Variants in CHD8 observed in about 807,000 individuals in gnomAD.
The protein encoded by CHD8 is chromodomain helicase DNA binding protein 8, also known as ATP-dependent chromatin remodeler CHD8.
Under a neutral mutation model 279.2 loss-of-function variants are expected in CHD8, and 31 were observed. The observed-to-expected ratio is 0.11, with a 90% CI of 0.08 to 0.15. CHD8 has a LOEUF of 0.15. Ranked by LOEUF, CHD8 falls within the 10% of genes least tolerant of loss-of-function variation. The pLI, the probability that CHD8 is intolerant of heterozygous loss-of-function variation, is 1.00. For missense variants in CHD8, 2,146 were observed against 3,230.5 expected (o/e 0.66, Z 8.14); for synonymous variants, 1,081 against 1,139.6 (o/e 0.95, Z 1.04).
intron 1 of CHD8, among the ~76,000 whole-genome samples, chr14:21,448,508 T>A (rs981955634): frequency 2.6e-5 from 4 of 152,160 alleles, no homozygotes; most frequent in Non-Finnish European, 4.4e-5. Flanking sequence ...ACTGAATACC[T>A]ACCTGTCTAG....
intron 1 of CHD8, among the ~76,000 whole-genome samples, chr14:21,448,833 G>A (rs1171512026): frequency 3.3e-5 from 5 of 149,696 alleles, no homozygotes; most frequent in African/African-American, 9.7e-5. Context: ...AAAGTGCTGG[G>A]ATTACAGGCG....
In CHD8 at chr14:21,394,187, C is replaced by T. The variant is rs376095447; in HGVS notation, c.5608G>A (p.Asp1870Asn). 5.5e-5 allele frequency: 89 copies of T among 1,606,284 alleles called. No individual in the cohort carries two copies. The highest frequency in any genetic ancestry group is 7.1e-5 in the Non-Finnish European group (84 of 1,174,872). Residue 1870 changes from aspartate to asparagine, a missense_variant, in exon 32 of 38, where the codon GAC becomes AAC. Transcript: ENST00000646647. ...ATGGGCTCAATGAACAGGTTAGGGT[C>T]GGGGGGTTCTGCAAGAGACAGGAGT... ...LPPAAGDEPP[D>N]PNLFIEPITE...
intron 37 of CHD8, among the ~76,000 whole-genome samples, chr14:21,388,503 A>T (rs1013237921): frequency 4.0e-4 from 60 of 149,668 alleles, no homozygotes; most frequent in African/African-American, 1.3e-3. Context: ...TTATTTATTT[A>T]TTTTTTGAGG....
Position 21,393,260 on chromosome 14 carries a change from A to G in CHD8, c.6320-6T>C. On this transcript the variant is annotated splice_polypyrimidine_tract_variant and splice_region_variant and intron_variant, in intron 32 of 37. Coordinates refer to ENST00000646647, the MANE Select transcript of CHD8 (RefSeq NM_001170629.2). ...CTTTGAGCGGGACTGGTCAGCTGGT[A>G]AGAGAGCCCATAGAATGTGTGAGAA... 7 of 1,613,922 alleles carry G rather than the reference A, an allele frequency of 4.3e-6. No individual in the cohort carries two copies. The highest frequency in any genetic ancestry group is 5.9e-6 in the Non-Finnish European group (7 of 1,179,848).
chr14:21,416,792 A>C (rs1888743557), intron 5 of CHD8, among the ~76,000 whole-genome samples: 1 of 152,106 alleles, frequency 6.6e-6, no homozygotes, highest in Non-Finnish European at 1.5e-5. Context: ...ATTTATGAAA[A>C]CACAAAGATT....
intron 1 of CHD8, among the ~76,000 whole-genome samples, chr14:21,445,664 G>T (rs554968228): frequency 9.9e-5 from 14 of 141,178 alleles, no homozygotes; most frequent in Middle Eastern, 3.9e-3. Context: ...ACTCCAGCCC[G>T]GGCAACAGAG....
At chr14:21,389,535 G>A (rs918863209) in intron 37 of CHD8, among the ~76,000 whole-genome samples, 5 of 152,026 alleles carry the variant, frequency 3.3e-5, no homozygotes, top group South Asian at 2.1e-4. Flanking sequence ...CACTTGAACC[G>A]GGGATGCAGA....
In CHD8 at chr14:21,434,039, C is replaced by CTT. The variant is rs57822562; in HGVS notation, c.-215-2183_-215-2182dup. Among the ~76,000 whole-genome samples, 561 of 115,860 alleles carry CTT rather than the reference C, an allele frequency of 4.8e-3. 4 individuals carry two copies. The highest frequency in any genetic ancestry group is 0.014 in the African/African-American group (463 of 32,428). The allele number at this position is 115,860 out of a possible 152,430, so 76.0% of individuals were successfully genotyped here. On this transcript the variant is annotated intron_variant, in intron 1 of 37. Coordinates refer to ENST00000646647, the MANE Select transcript of CHD8 (RefSeq NM_001170629.2). Reference sequence around the variant, plus strand: ...AATATAAAAACAACAGTGAAAGTTTCTTTTTTTTTTTTTTTTTTTTTCTGA... The same window carrying CTT: ...AATATAAAAACAACAGTGAAAGTTTCTTTTTTTTTTTTTTTTTTTTTTTCTGA...
At chr14:21,432,235 A>G (rs1231526620) in intron 1 of CHD8, among the ~76,000 whole-genome samples, 1 of 152,174 alleles carries the variant, frequency 6.6e-6, no homozygotes, top group Non-Finnish European at 1.5e-5. Context: ...TGCCACCAGA[A>G]TTACAGTGAC....
rs369706188 is a variant in CHD8 at position 21,426,034 on chromosome 14, G to A, written c.1716+94C>T. ...CCCAGTTTAGAAAAGCCAAAGAAAT[G>A]TGTATAGACTTACGATTTCTCAATA... On this transcript the variant is annotated intron_variant, in intron 5 of 37. Coordinates refer to ENST00000646647, the MANE Select transcript of CHD8 (RefSeq NM_001170629.2). 1.6e-5 allele frequency: 12 copies of A among 749,060 alleles called. No homozygotes were observed. In the East Asian group the frequency reaches 2.1e-4, roughly 13 times the overall value. The allele number at this position is 749,060 out of a possible 1,614,324, so 46.4% of individuals were successfully genotyped here. A position where few individuals can be genotyped will look rare whatever the true frequency, so the allele number is the denominator to read the frequency against.
At chr14:21,455,953 TAAATC>T (rs1890379771) in intron 1 of CHD8, 74 bp downstream of exon 1, 1 of 153,430 alleles carries the variant, frequency 6.5e-6, no homozygotes, top group Admixed American at 6.5e-5. Flanking sequence ...AGGAGTTACT[TAAATC>T]AAATCTCTGA....
intron 5 of CHD8, among the ~76,000 whole-genome samples, chr14:21,420,577 T>C (rs888320516): frequency 3.9e-5 from 6 of 152,208 alleles, no homozygotes; most frequent in Admixed American, 6.5e-5. Flanking sequence ...GGTATATCTA[T>C]CTTTTCCACT....
intron 5 of CHD8, 192 bp from the exon 6 acceptor site, chr14:21,416,099 T>C: frequency 2.1e-6 from 1 of 473,950 alleles, no homozygotes; most frequent in Non-Finnish European, 3.7e-6. Context: ...TCAATTTGCT[T>C]AACTGCTTTA....
intron 10 of CHD8, among the ~76,000 whole-genome samples, chr14:21,412,102 A>G (rs2139490392): frequency 6.6e-6 from 1 of 152,210 alleles, no homozygotes; most frequent in South Asian, 2.1e-4. Flanking sequence ...AAAAGAGAAA[A>G]ATAAACTAAT....
intron 1 of CHD8, among the ~76,000 whole-genome samples, chr14:21,443,855 CAAAAAAAAAAAA>C (rs369671712): frequency 2.1e-5 from 1 of 47,224 alleles, no homozygotes; most frequent in Non-Finnish European, 4.3e-5. Flanking sequence ...GACTCCGTCT[CAAAAAAAAAAAA>C]AAAAAAAAAA....
At position 21,385,469 on chromosome 14, in the gene CHD8, C is replaced by A. The variant is rs1002437560; in HGVS notation, c.*144G>T. On this transcript the variant is annotated 3_prime_UTR_variant, in exon 38 of 38. Transcript: ENST00000646647. Reference sequence around the variant, plus strand: ...TCTCATAATTGGGAGCAATCAGGTACATTTTTTTTTTTTTTTCCTTTTCAC... The same window carrying A: ...TCTCATAATTGGGAGCAATCAGGTAAATTTTTTTTTTTTTTTCCTTTTCAC... The A allele has an allele frequency of 1.9e-6, 2 of 1,056,602 alleles. No individual in the cohort carries two copies. Among genetic ancestry groups the A allele is most frequent in the South Asian group, 1.8e-5 (1 of 56,160 alleles). 65.5% of individuals were successfully genotyped at this position (1,056,602 alleles called of 1,614,324 possible).
rs750090671 is a variant in CHD8 at position 21,409,818 on chromosome 14, T to C, written c.2364+33A>G. The C allele has an allele frequency of 1.1e-5, 18 of 1,572,624 alleles. No homozygotes were observed. The African/African-American group carries it at 1.4e-4, about 12-fold the overall frequency. On this transcript the variant is annotated intron_variant, in intron 11 of 37. Transcript: ENST00000646647. ...GGAAAAAATTTAATCATTTCTTATG[T>C]AGGCCTTTATACTTTAATGCAAATG...
chr14:21,450,523 G>A (rs528693045), intron 1 of CHD8, among the ~76,000 whole-genome samples: 2 of 152,112 alleles, frequency 1.3e-5, no homozygotes, highest in Admixed American at 6.5e-5. Flanking sequence ...TGTGATATGG[G>A]CCGGCCTGTA....
At chr14:21,429,439 T>A (rs1241261882) in intron 2 of CHD8, 104 bp from the exon 3 acceptor site, 1 of 1,159,686 alleles carries the variant, frequency 8.6e-7, no homozygotes, top group Non-Finnish European at 1.3e-6. Context: ...AAACTACAGG[T>A]CAGAAGACAC....
Sources: gnomAD v4.1 joint callset for allele counts (sites outside exome capture counted in the v4.1 genomes callset) on GRCh38, gnomAD v4.1.1 for gene constraint, MANE v1.5 for transcripts, NCBI Gene and HGNC (gene_info 2026-07-23, HGNC 2026-07-21) for gene names.